The following PARP3 variants were observed in gnomAD, a reference collection of about 807,000 sequenced individuals.
PARP3 encodes poly(ADP-ribose) polymerase family member 3.
PARP3 carries 46 observed loss-of-function variants against 58.2 expected under a neutral mutation model. The observed-to-expected ratio is 0.79, with a 90% confidence interval of 0.62 to 1.01. The LOEUF (loss-of-function observed/expected upper bound fraction) is 1.01. Ranked by LOEUF, PARP3 falls within the 50% of genes least tolerant of loss-of-function variation. PARP3 has a pLI of 0.00. For missense variants in PARP3, 663 were observed against 683.9 expected (o/e 0.97, Z 0.34); for synonymous variants, 252 against 266.4 (o/e 0.95, Z 0.53).
intron 6 of PARP3, 127 bp downstream of exon 6, chr3:51,945,351 T>A (rs1358975177): frequency 5.2e-5 from 69 of 1,329,630 alleles, no homozygotes; most frequent in Non-Finnish European, 7.2e-5. Flanking sequence ...GACAGACGGG[T>A]GGGGAAGGCT....
rs1217477619 is a variant in PARP3 at position 51,945,600 on chromosome 3, A to G, written c.967A>G (p.Lys323Glu). Reference protein sequence around the residue: ...HPLDRDYQLLKCQLQLLDSGA... With the variant: ...HPLDRDYQLLECQLQLLDSGA... ...CCTGGACCGAGACTACCAGCTTCTC[A>G]AGTGCCAGCTGCAGCTGCTAGACTC... The change falls in exon 7 of 11, where the codon AAG becomes GAG. Residue 323 changes from lysine to glutamate, a missense_variant. Around this residue, in one of 3 missense-constraint regions of PARP3, gnomAD observed 567 missense variants for 553.6 expected, o/e 1.02. Transcript: ENST00000398755. 1 of 1,613,802 alleles carries G rather than the reference A, an allele frequency of 6.2e-7. No individual in the cohort carries two copies. The highest frequency in any genetic ancestry group is 2.2e-5 in the East Asian group (1 of 44,884).
At position 51,942,565 on chromosome 3, in the gene PARP3, G is replaced by C. The variant is rs138809721; in HGVS notation, c.-146G>C. Reference sequence around the variant, plus strand: ...TAATCCCCCACACAAGCTCATCCCCGGCCTCTGGCGATTGTTGGGAATTCT... The same window carrying C: ...TAATCCCCCACACAAGCTCATCCCCCGCCTCTGGCGATTGTTGGGAATTCT... On this transcript the variant is annotated 5_prime_UTR_variant, in exon 1 of 11. Transcript: ENST00000398755. 5.5e-6 allele frequency: 4 copies of C among 727,198 alleles called. No individual in the cohort carries two copies. Among genetic ancestry groups the C allele is most frequent in the Admixed American group, 2.0e-5 (1 of 49,916 alleles). 45.0% of individuals were successfully genotyped at this position (727,198 alleles called of 1,614,324 possible). A position where few individuals can be genotyped will look rare whatever the true frequency, so the allele number is the denominator to read the frequency against.
At position 51,944,441 on chromosome 3, in the gene PARP3, A is replaced by G; in HGVS notation, c.364A>G (p.Lys122Glu). The change falls in exon 4 of 11, where the codon AAG becomes GAG. Residue 122 changes from lysine (K) to glutamate (E), a missense_variant. Around this residue, in one of 3 missense-constraint regions of PARP3, gnomAD observed 567 missense variants for 553.6 expected, o/e 1.02. Coordinates refer to ENST00000398755, the MANE Select transcript of PARP3 (RefSeq NM_001003931.4). The surrounding 1 kb of genome is among the most constrained non-coding windows in gnomAD (Gnocchi z 4.2). ...INHFTRLEDA[K>E]KDFEKKFREK... ...CCACTTCACAAGGCTAGAAGATGCA[A>G]AGAAGGACTTTGAGAAGAAATTTCG... is the stretch of plus-strand genomic sequence containing the variant. 3.7e-6 allele frequency: 6 copies of G among 1,614,132 alleles called. No individual in the cohort carries two copies. Among genetic ancestry groups the G allele is most frequent in the Non-Finnish European group, 5.1e-6 (6 of 1,180,044 alleles).
intron 9 of PARP3, chr3:51,947,539 G>A (rs776925567): frequency 1.6e-6 from 1 of 610,444 alleles, no homozygotes; most frequent in Non-Finnish European, 2.9e-6. Flanking sequence ...ACAGCAGAGG[G>A]TACAGATGCC....
chr3:51,944,976 C>A lies in PARP3; in HGVS notation c.635-22C>A, dbSNP rs1263130436. The A allele has an allele frequency of 6.2e-7, 1 of 1,613,154 alleles. No individual in the cohort carries two copies. The highest frequency in any genetic ancestry group is 2.2e-5 in the East Asian group (1 of 44,866). On this transcript the variant is annotated intron_variant, in intron 5 of 10. Coordinates refer to ENST00000398755, the MANE Select transcript of PARP3 (RefSeq NM_001003931.4). The surrounding 1 kb of genome is among the most constrained non-coding windows in gnomAD (Gnocchi z 4.2). ...GTGGCAGGGCTGTGGGGCTGAGTCTCCCCACTCCCCTGTCCCCCTAGATGT... is the reference window on the plus strand; with the variant it reads ...GTGGCAGGGCTGTGGGGCTGAGTCTACCCACTCCCCTGTCCCCCTAGATGT...
Position 51,946,183 on chromosome 3 carries a change from C to T in PARP3, c.1116C>T (p.Ala372=). ...NQEGEEDRFQ[A]HSKLGNRKLL... ...CCACTCAGGAAGACAGATTCCAGGC[C>T]CACTCCAAACTGGGTAATCGGAAGC... The change falls in exon 9 of 11, where the codon GCC becomes GCT. Residue 372 remains alanine, a synonymous_variant. Transcript: ENST00000398755. This position sits in a 1 kb window ranked among gnomAD's most constrained non-coding sequence, Gnocchi z 4.6. 8 of 1,603,036 alleles carry T rather than the reference C, an allele frequency of 5.0e-6. No homozygotes were observed. The highest frequency in any genetic ancestry group is 6.8e-6 in the Non-Finnish European group (8 of 1,173,998).
chr3:51,946,180 G>A lies in PARP3; in HGVS notation c.1113G>A (p.Gln371=). Residue 371 remains glutamine, a synonymous_variant, in exon 9 of 11, where the codon CAG becomes CAA. Coordinates refer to ENST00000398755, the MANE Select transcript of PARP3 (RefSeq NM_001003931.4). The surrounding 1 kb of genome is among the most constrained non-coding windows in gnomAD (Gnocchi z 4.6). ...TCTCCACTCAGGAAGACAGATTCCA[G>A]GCCCACTCCAAACTGGGTAATCGGA... ...VNQEGEEDRF[Q]AHSKLGNRKL... 6.2e-7 allele frequency: 1 copy of A among 1,602,210 alleles called. No homozygotes were observed. The highest frequency in any genetic ancestry group is 8.5e-7 in the Non-Finnish European group (1 of 1,173,480).
intron 2 of PARP3, 112 bp from the exon 3 acceptor site, chr3:51,943,977 C>T (rs1699607979): frequency 5.9e-6 from 6 of 1,012,718 alleles, no homozygotes; most frequent in South Asian, 5.8e-5. Context: ...GACAGGGTCC[C>T]TCTGACTCCC....
At position 51,944,917 on chromosome 3, in the gene PARP3, G is replaced by A. The variant is rs1310116765; in HGVS notation, c.634+7G>A. On this transcript the variant is annotated splice_region_variant and intron_variant, in intron 5 of 10. Transcript: ENST00000398755. The surrounding 1 kb of genome is among the most constrained non-coding windows in gnomAD (Gnocchi z 4.2). ...ATGGCCCTCATGGACCTGGGTGAGG[G>A]GTGAGAGGCAGGCAGGGTGGCAGGG... The A allele has an allele frequency of 1.2e-6, 2 of 1,613,854 alleles. No homozygotes were observed. The highest frequency in any genetic ancestry group is 1.7e-6 in the Non-Finnish European group (2 of 1,179,974).
At position 51,945,085 on chromosome 3, in the gene PARP3, A is replaced by G; in HGVS notation, c.722A>G (p.Lys241Arg). 1 of 1,614,158 alleles carries G rather than the reference A, an allele frequency of 6.2e-7. No homozygotes were observed. Among genetic ancestry groups the G allele is most frequent in the South Asian group, 1.1e-5 (1 of 91,088 alleles). The change falls in exon 6 of 11, where the codon AAA becomes AGA. Residue 241 changes from lysine to arginine, a missense_variant. Around this residue, in one of 3 missense-constraint regions of PARP3, gnomAD observed 567 missense variants for 553.6 expected, o/e 1.02. Transcript: ENST00000398755. ...TTGGAGGCGCTGGAGGAGGCCCTGAAAGGCCCCACGGATGGTGGCCAAAGC... is the reference window on the plus strand; with the variant it reads ...TTGGAGGCGCTGGAGGAGGCCCTGAGAGGCCCCACGGATGGTGGCCAAAGC... ...EALEALEEALKGPTDGGQSLE... is the reference protein window; with the variant it reads ...EALEALEEALRGPTDGGQSLE...
chr3:51,943,568 G>A, intron 2 of PARP3, 30 bp downstream of exon 2: 1 of 1,587,552 alleles, frequency 6.3e-7, no homozygotes, highest in Non-Finnish European at 8.6e-7. Flanking sequence ...CAGGCCCAGA[G>A]CCTGCCCACT....
chr3:51,944,959 G>T lies in PARP3; in HGVS notation c.635-39G>T. The T allele has an allele frequency of 1.9e-6, 3 of 1,613,154 alleles. No individual in the cohort carries two copies. Among genetic ancestry groups the T allele is most frequent in the Non-Finnish European group, 2.5e-6 (3 of 1,179,668 alleles). On this transcript the variant is annotated intron_variant, in intron 5 of 10. Coordinates refer to ENST00000398755, the MANE Select transcript of PARP3 (RefSeq NM_001003931.4). The surrounding 1 kb of genome is among the most constrained non-coding windows in gnomAD (Gnocchi z 4.2). ...GTGGCAGGGGCCTCAGGGTGGCAGGGCTGTGGGGCTGAGTCTCCCCACTCC... is the reference window on the plus strand; with the variant it reads ...GTGGCAGGGGCCTCAGGGTGGCAGGTCTGTGGGGCTGAGTCTCCCCACTCC...
chr3:51,943,999 A>G (rs1699608316), intron 2 of PARP3, 90 bp from the exon 3 acceptor site: 6 of 1,268,296 alleles, frequency 4.7e-6, no homozygotes, highest in Middle Eastern at 2.0e-4. Flanking sequence ...CTGCCGTCAG[A>G]CTCCTGTCCC....
intron 6 of PARP3, 79 bp from the exon 7 acceptor site, chr3:51,945,416 C>A (rs543075253): frequency 3.9e-6 from 6 of 1,521,462 alleles, no homozygotes; most frequent in African/African-American, 2.7e-5. Context: ...GGGGTGGCTA[C>A]AATACCAGTC....
chr3:51,945,458 A>C, intron 6 of PARP3, 37 bp from the exon 7 acceptor site: 1 of 1,605,064 alleles, frequency 6.2e-7, no homozygotes, highest in Non-Finnish European at 8.5e-7. Flanking sequence ...GCCAGAGGTC[A>C]AGTGGGAAGA....
Position 51,942,463 on chromosome 3 carries a change from C to T in PARP3, c.-248C>T. On this transcript the variant is annotated 5_prime_UTR_variant, in exon 1 of 11. Transcript: ENST00000398755. ...GGATATGCCAGATCGAGTGTCCACC[C>T]GTCCGTGGGACTGGTCGCCTGACTC... 1.6e-6 allele frequency: 1 copy of T among 632,394 alleles called. No individual in the cohort carries two copies. Among genetic ancestry groups the T allele is most frequent in the South Asian group, 1.8e-5 (1 of 56,494 alleles). The allele number at this position is 632,394 out of a possible 1,614,324, so 39.2% of individuals were successfully genotyped here.
rs750916489 is a variant in PARP3, at chr3:51,948,317, C to A, written c.1439C>A (p.Thr480Asn). The A allele has an allele frequency of 1.5e-5, 25 of 1,613,532 alleles. No individual in the cohort carries two copies. The highest frequency in any genetic ancestry group is 2.1e-5 in the Non-Finnish European group (25 of 1,179,630). ...CCCTTGCTGTGCCCTGCAGATCCGA[C>A]CCAGGACACTGAGTTGGAGCTGGAT... ...IARGHTEPDP[T>N]QDTELELDGQ... is the part of the protein sequence containing the mutation. The change falls in exon 11 of 11, where the codon ACC becomes AAC. Residue 480 changes from threonine (T) to asparagine (N), a missense_variant. Transcript: ENST00000398755.
In PARP3 at chr3:51,943,518, A is replaced by T; in HGVS notation, c.163A>T (p.Ser55Cys). The change falls in exon 2 of 11, where the codon AGC (serine) becomes TGC (cysteine). Residue 55 changes from serine to cysteine, a missense_variant. Physicochemically the swap from Ser to Cys is moderately radical, Grantham distance 112. This residue lies in a region of PARP3 where 567 missense variants were observed against 553.6 expected (regional missense o/e 1.02). Coordinates refer to ENST00000398755, the MANE Select transcript of PARP3 (RefSeq NM_001003931.4). ...CCGCGTGGATCCAACATGTCCACTC[A>T]GCAGCAACCCCGGGACCCAGGTGAG... Reference protein sequence around the residue: ...IIRVDPTCPLSSNPGTQVYED... With the variant: ...IIRVDPTCPLCSNPGTQVYED... 1.2e-6 allele frequency: 2 copies of T among 1,610,574 alleles called. No individual in the cohort carries two copies. Among genetic ancestry groups the T allele is most frequent in the Non-Finnish European group, 1.7e-6 (2 of 1,178,888 alleles).
intron 1 of PARP3, 180 bp downstream of exon 1, chr3:51,942,888 A>G: frequency 7.0e-7 from 1 of 1,425,370 alleles, no homozygotes; most frequent in Middle Eastern, 1.9e-4. Flanking sequence ...TCTGGCCCCA[A>G]GAATCCTGCC....
Sources: allele counts gnomAD v4.1 joint callset, GRCh38; gene constraint gnomAD v4.1.1; regional missense constraint gnomAD v4.1.1; non-coding constraint Gnocchi (gnomAD v3.1); transcripts MANE v1.5; gene names NCBI Gene and HGNC (gene_info 2026-07-23, HGNC 2026-07-21).